SLC24A2: variants seen among roughly 807,000 people sequenced by gnomAD.
SLC24A2 encodes the protein sodium/potassium/calcium exchanger 2.
A neutral mutation model predicts 62.0 loss-of-function variants in SLC24A2; 36 were observed. That is an observed-to-expected ratio of 0.58 (90% CI 0.44 to 0.77). The LOEUF (loss-of-function observed/expected upper bound fraction) is 0.77, where lower values mean the gene tolerates loss of function less well. Ranked by LOEUF, SLC24A2 falls within the 30% of genes least tolerant of loss-of-function variation. SLC24A2 has a pLI of 0.00. For synonymous variants in SLC24A2, 358 were observed against 294.0 expected (o/e 1.22, Z -2.23); for missense variants, 846 against 817.9 (o/e 1.03, Z -0.42).
At chr9:19,560,775 T>C (rs988882582) in intron 7 of SLC24A2, among the ~76,000 whole-genome samples, 1 of 152,306 alleles carries the variant, frequency 6.6e-6, no homozygotes, top group South Asian at 2.1e-4. Context: ...AATCATTGTG[T>C]TCACTTAGTT....
chr9:19,645,400 T>C (rs967845755), intron 2 of SLC24A2, among the ~76,000 whole-genome samples: 1 of 152,234 alleles, frequency 6.6e-6, no homozygotes, highest in African/African-American at 2.4e-5. Flanking sequence ...TTCGGGGCTA[T>C]GATTTTGCAT....
At chr9:20,112,260 C>G in the SLC24A2 span, among the ~76,000 whole-genome samples, 1 of 152,178 alleles carries the variant, frequency 6.6e-6, no homozygotes, top group Non-Finnish European at 1.5e-5. Flanking sequence ...AGAACACAAT[C>G]CTCGATAATT....
chr9:19,862,302 A>G, the SLC24A2 span, among the ~76,000 whole-genome samples: 5 of 152,120 alleles, frequency 3.3e-5, no homozygotes, highest in African/African-American at 1.2e-4. Context: ...TATTTAAAAT[A>G]CTCAAAGAAA....
At chr9:20,280,737 AG>A in the SLC24A2 span, among the ~76,000 whole-genome samples, 1 of 152,226 alleles carries the variant, frequency 6.6e-6, no homozygotes, top group Non-Finnish European at 1.5e-5. Flanking sequence ...AGACATAATT[AG>A]GTGAAGGATC....
At chr9:20,214,275 T>C in the SLC24A2 span, among the ~76,000 whole-genome samples, 10 of 152,158 alleles carry the variant, frequency 6.6e-5, no homozygotes, top group African/African-American at 2.4e-4. Context: ...GCTGTGAAGA[T>C]CTGCTGTACT....
the SLC24A2 span, among the ~76,000 whole-genome samples, chr9:20,139,928 C>A: frequency 6.6e-6 from 1 of 152,212 alleles, no homozygotes; most frequent in East Asian, 1.9e-4. Flanking sequence ...AGCTAAGGAG[C>A]CCCTTTTGCA....
the SLC24A2 span, among the ~76,000 whole-genome samples, chr9:20,164,888 C>G: frequency 6.7e-6 from 1 of 148,954 alleles, no homozygotes; most frequent in African/African-American, 2.5e-5. Flanking sequence ...GCAAGAACAA[C>G]AAACGAAACA....
chr9:19,944,102 G>T, the SLC24A2 span, among the ~76,000 whole-genome samples: 1 of 152,242 alleles, frequency 6.6e-6, no homozygotes, highest in East Asian at 1.9e-4. Context: ...AGATGCTGAG[G>T]ACTACTAGGC....
chr9:19,910,896 T>TTTC, the SLC24A2 span, among the ~76,000 whole-genome samples: 44 of 149,286 alleles, frequency 2.9e-4, no homozygotes, highest in African/African-American at 1.1e-3. Context: ...CTTTTTTTTT[T>TTTC]CTTTTCTTTT....
At chr9:20,069,319 C>T in the SLC24A2 span, among the ~76,000 whole-genome samples, 1 of 152,112 alleles carries the variant, frequency 6.6e-6, no homozygotes, top group South Asian at 2.1e-4. Context: ...TTAAATTTTC[C>T]ATAAAGTACT....
chr9:20,269,681 AT>A, the SLC24A2 span, among the ~76,000 whole-genome samples: 3 of 151,898 alleles, frequency 2.0e-5, no homozygotes. Flanking sequence ...CCTCACCAAG[AT>A]TTTTTTTCAA....
the SLC24A2 span, among the ~76,000 whole-genome samples, chr9:20,228,116 C>T: frequency 6.6e-6 from 1 of 152,218 alleles, no homozygotes; most frequent in South Asian, 2.1e-4. Flanking sequence ...TGAAAAAATC[C>T]TTCACTTGCA....
At chr9:20,161,270 C>T in the SLC24A2 span, among the ~76,000 whole-genome samples, 2 of 151,432 alleles carry the variant, frequency 1.3e-5, no homozygotes, top group East Asian at 2.0e-4. Context: ...AATCACCAGG[C>T]TCAGGTGCTT....
Position 19,786,941 on chromosome 9 carries a change from C to T in SLC24A2, c.-75G>A. On this transcript the variant is annotated 5_prime_UTR_variant, in exon 2 of 11. Coordinates refer to ENST00000341998, the MANE Select transcript of SLC24A2 (RefSeq NM_020344.4). The surrounding 1 kb of genome is among the most constrained non-coding windows in gnomAD (Gnocchi z 5.0). ...GATGGTTCTTTCATACTTTTCCTTA[C>T]TTTATAGTTAACGATGCTTGTGGGG... is the stretch of plus-strand genomic sequence containing the variant. 1 of 1,571,820 alleles carries T rather than the reference C, an allele frequency of 6.4e-7. No homozygotes were observed. The highest frequency in any genetic ancestry group is 8.6e-7 in the Non-Finnish European group (1 of 1,166,936).
At chr9:19,637,919 G>C (rs1281089199) in intron 2 of SLC24A2, among the ~76,000 whole-genome samples, 1 of 152,158 alleles carries the variant, frequency 6.6e-6, no homozygotes, top group Admixed American at 6.5e-5. Context: ...TGTATTGGGG[G>C]GTAGTTTGCT....
intron 5 of SLC24A2, among the ~76,000 whole-genome samples, chr9:19,591,148 T>C (rs1836537367): frequency 6.6e-6 from 1 of 152,178 alleles, no homozygotes; most frequent in Non-Finnish European, 1.5e-5. Flanking sequence ...AGCTTTTAAA[T>C]AACACGCATA....
intron 7 of SLC24A2, 112 bp downstream of exon 7, chr9:19,573,239 T>C: frequency 2.6e-6 from 2 of 759,828 alleles, no homozygotes; most frequent in South Asian, 2.8e-5. Flanking sequence ...CCCTACCTGA[T>C]TCCTGCCCAG....
Position 19,516,091 on chromosome 9 carries a change from G to A in SLC24A2, c.*62C>T. ...CTGCCTCTTCTCAAGAGGTCAAGGAGCCCAGAGCCCAGAGTGTGGAGGGAC... is the reference window on the plus strand; with the variant it reads ...CTGCCTCTTCTCAAGAGGTCAAGGAACCCAGAGCCCAGAGTGTGGAGGGAC... On this transcript the variant is annotated 3_prime_UTR_variant, in exon 11 of 11. Transcript: ENST00000341998. The A allele has an allele frequency of 1.2e-6, 2 of 1,606,080 alleles. No individual in the cohort carries two copies. Among genetic ancestry groups the A allele is most frequent in the East Asian group, 4.5e-5 (2 of 44,832 alleles).
chr9:20,033,949 C>T, the SLC24A2 span, among the ~76,000 whole-genome samples: 2 of 152,206 alleles, frequency 1.3e-5, no homozygotes, highest in African/African-American at 4.8e-5. Context: ...TGAATTCTTT[C>T]CTGCAAGAAG....
Sources: allele counts gnomAD v4.1 joint callset (sites outside exome capture counted in the v4.1 genomes callset), GRCh38; gene constraint gnomAD v4.1.1; non-coding constraint Gnocchi (gnomAD v3.1); transcripts MANE v1.5; gene names NCBI Gene and HGNC (gene_info 2026-07-23, HGNC 2026-07-21).